Variants in SGO1 observed in about 807,000 individuals in gnomAD.
SGO1 encodes the protein shugoshin 1.
In SGO1, 39 loss-of-function variants were observed where a neutral mutation model predicts 50.5. The observed-to-expected ratio is 0.77, with a 90% CI of 0.60 to 1.01. The LOEUF is 1.01. Ranked by LOEUF, SGO1 falls within the 50% of genes least tolerant of loss-of-function variation. The probability of loss-of-function intolerance (pLI) is 0.00; values close to 1 mark genes in which losing one functional copy is unlikely to be tolerated. For missense variants in SGO1, 638 were observed against 606.0 expected, an observed-to-expected ratio of 1.05 and a Z score of -0.55; for synonymous variants, 191 against 205.1, an observed-to-expected ratio of 0.93 and a Z score of 0.59.
chr3:20,170,520 A>AT lies in SGO1; in HGVS notation c.*183dup, dbSNP rs1252942804. ...TCAAAAGAAAAAATAAATTAAATTT[A>AT]TTAAAGTTTTAATACAAAGCATCCC... On this transcript the variant is annotated 3_prime_UTR_variant, in exon 8 of 8. Coordinates refer to ENST00000412997, the MANE Select transcript of SGO1 (RefSeq NM_001199251.3). 1.7e-6 allele frequency: 2 copies of AT among 1,193,482 alleles called. No individual in the cohort carries two copies. Among genetic ancestry groups the AT allele is most frequent in the African/African-American group, 3.2e-5 (2 of 63,430 alleles). 73.9% of individuals were successfully genotyped at this position (1,193,482 alleles called of 1,614,324 possible).
At chr3:20,180,276 ACT>A (rs1271804830) in intron 3 of SGO1, among the ~76,000 whole-genome samples, 4 of 152,068 alleles carry the variant, frequency 2.6e-5, no homozygotes, top group Admixed American at 2.0e-4. Flanking sequence ...ATGGAGCGAG[ACT>A]CTGTCTCAAA....
intron 6 of SGO1, 86 bp from the exon 7 acceptor site, chr3:20,171,318 T>C: frequency 1.8e-6 from 2 of 1,091,692 alleles, no homozygotes; most frequent in Non-Finnish European, 2.5e-6. Context: ...ATATCTTAAC[T>C]GTACACAAAA....
chr3:20,173,028 A>T (rs116012791), intron 6 of SGO1, among the ~76,000 whole-genome samples: 162 of 152,318 alleles, frequency 1.1e-3, no homozygotes, highest in African/African-American at 3.6e-3. Flanking sequence ...AAATGTACAC[A>T]AAGATGGCAA....
At chr3:20,161,342 G>A in intron 8 of SGO1, 1 of 1,368,894 alleles carries the variant, frequency 7.3e-7, no homozygotes, top group Non-Finnish European at 9.5e-7. Flanking sequence ...TAAAAAATTA[G>A]AAAATATGTG....
intron 1 of SGO1, 129 bp from the exon 2 acceptor site, chr3:20,184,163 C>A (rs1416279047): frequency 1.7e-6 from 1 of 588,716 alleles, no homozygotes; most frequent in African/African-American, 2.0e-5. Flanking sequence ...AGATAGTTAA[C>A]CAACTTGATA....
chr3:20,161,164 C>CA lies in SGO1; in HGVS notation c.1626dup (p.Val543CysfsTer8). 1 of 1,613,082 alleles carries CA rather than the reference C, an allele frequency of 6.2e-7. No individual in the cohort carries two copies. The highest frequency in any genetic ancestry group is 1.7e-4 in the Middle Eastern group (1 of 6,056). On this transcript the variant is annotated frameshift_variant, in exon 9 of 9. Transcript: ENST00000263753. LOFTEE classifies it high-confidence loss of function. ...TTCCTACAGTCTGGGAATCTCGAAACAAATTCTCGAACATAATATAAAATA... is the reference window on the plus strand; with the variant it reads ...TTCCTACAGTCTGGGAATCTCGAAACAAAATTCTCGAACATAATATAAAATA...
intron 8 of SGO1, chr3:20,161,358 ACAAT>A (rs1700030477): frequency 3.7e-6 from 5 of 1,352,220 alleles, no homozygotes; most frequent in Non-Finnish European, 3.9e-6. Flanking sequence ...ATGTGAGCAA[ACAAT>A]CAAAAGTCAG....
In SGO1 at chr3:20,170,669, T is replaced by G. The variant is rs186498395; in HGVS notation, c.*35A>C. 161 of 1,535,504 alleles carry G rather than the reference T, an allele frequency of 1.0e-4. No individual in the cohort carries two copies. In the African/African-American group the frequency reaches 1.9e-3, roughly 19 times the overall value. On this transcript the variant is annotated 3_prime_UTR_variant, in exon 8 of 8. Coordinates refer to ENST00000412997, the MANE Select transcript of SGO1 (RefSeq NM_001199251.3). ...CCTCTCCTGAAGCAACAGAAAGAGG[T>G]GTAGATTGAATTTAAACAATATCCA...
At chr3:20,173,501 A>G (rs1701014957) in intron 6 of SGO1, among the ~76,000 whole-genome samples, 1 of 152,196 alleles carries the variant, frequency 6.6e-6, no homozygotes, top group African/African-American at 2.4e-5. Context: ...CGATTTAGAA[A>G]GTTGGTTTGG....
chr3:20,178,171 A>T, intron 4 of SGO1, 100 bp downstream of exon 4: 2 of 837,410 alleles, frequency 2.4e-6, no homozygotes, highest in Non-Finnish European at 3.9e-6. Flanking sequence ...ACAGACTACA[A>T]ATATAAGAGT....
downstream of SGO1, among the ~76,000 whole-genome samples, chr3:20,168,408 A>G (rs968570650): frequency 1.3e-4 from 20 of 151,176 alleles, no homozygotes; most frequent in Admixed American, 1.3e-4. Context: ...CTATCATTAA[A>G]ATTGATTTCA....
At chr3:20,177,231 T>C (rs1701499337) in intron 4 of SGO1, 1 of 152,246 alleles carries the variant, frequency 6.6e-6, no homozygotes, top group South Asian at 2.1e-4. Context: ...TTTTCTACTC[T>C]AGACATTAAA....
intron 3 of SGO1, among the ~76,000 whole-genome samples, chr3:20,181,408 C>T (rs1559372381): frequency 6.6e-6 from 1 of 151,970 alleles, no homozygotes; most frequent in Non-Finnish European, 1.5e-5. Flanking sequence ...TAAGCTTCTC[C>T]ACCACTGCTA....
intron 6 of SGO1, among the ~76,000 whole-genome samples, chr3:20,172,921 G>GT (rs1464655872): frequency 6.6e-6 from 1 of 151,992 alleles, no homozygotes; most frequent in Admixed American, 6.6e-5. Context: ...AGCCATGACA[G>GT]TGCCACTGCC....
intron 8 of SGO1, among the ~76,000 whole-genome samples, chr3:20,161,934 A>G (rs955011): frequency 0.71 from 108,621 of 152,048 alleles, 40,409 homozygotes; most frequent in East Asian, 0.96. Context: ...ATAAGATTAT[A>G]ATTCCAGAGA....
At chr3:20,172,057 T>C (rs556078829) in intron 6 of SGO1, among the ~76,000 whole-genome samples, 1 of 152,266 alleles carries the variant, frequency 6.6e-6, no homozygotes, top group Non-Finnish European at 1.5e-5. Context: ...TTTTATAGTC[T>C]GTCCTTTTTG....
At chr3:20,181,107 T>C (rs1021287490) in intron 3 of SGO1, among the ~76,000 whole-genome samples, 2 of 152,166 alleles carry the variant, frequency 1.3e-5, no homozygotes, top group Admixed American at 6.5e-5. Flanking sequence ...CAGAGAGCTG[T>C]GATCACACCA....
chr3:20,178,381 C>T (rs764105097), intron 3 of SGO1, 34 bp from the exon 4 acceptor site: 2 of 1,427,778 alleles, frequency 1.4e-6, no homozygotes, highest in Non-Finnish European at 2.0e-6. Flanking sequence ...ACTGTTATAA[C>T]TGAAGTATTC....
intron 4 of SGO1, 51 bp downstream of exon 4, chr3:20,178,220 A>G: frequency 7.8e-7 from 1 of 1,279,936 alleles, no homozygotes; most frequent in East Asian, 2.3e-5. Flanking sequence ...TGAATCACAG[A>G]ATTAAACCTT....
Sources: allele counts gnomAD v4.1 joint callset (sites outside exome capture counted in the v4.1 genomes callset), GRCh38; gene constraint gnomAD v4.1.1; transcripts MANE v1.5; gene names NCBI Gene and HGNC (gene_info 2026-07-23, HGNC 2026-07-21).